The following LRRFIP2 variants were observed in gnomAD, a reference collection of about 807,000 sequenced individuals.
The protein encoded by LRRFIP2 is LRR binding FLII interacting protein 2.
A neutral mutation model predicts 125.9 loss-of-function variants in LRRFIP2; 109 were observed. The ratio of observed to expected loss-of-function variants is 0.87; its 90% confidence interval spans 0.74 to 1.01. The LOEUF is 1.01. Among genes scored for constraint, LRRFIP2 ranks in the 50% least tolerant of loss-of-function variants. The probability of loss-of-function intolerance (pLI) is 0.00; values close to 1 mark genes in which losing one functional copy is unlikely to be tolerated. For missense variants in LRRFIP2, 850 were observed against 862.3 expected, an observed-to-expected ratio of 0.99 and a Z score of 0.18; for synonymous variants, 291 against 293.1, an observed-to-expected ratio of 0.99 and a Z score of 0.07.
chr3:37,127,338 G>A (rs1464473802), intron 4 of LRRFIP2, among the ~76,000 whole-genome samples: 1 of 152,002 alleles, frequency 6.6e-6, no homozygotes, highest in Non-Finnish European at 1.5e-5. Context: ...AAAGGGGAGA[G>A]AGAAGGGGGG....
chr3:37,119,572 T>C (rs1046702500), intron 6 of LRRFIP2, among the ~76,000 whole-genome samples: 1 of 152,180 alleles, frequency 6.6e-6, no homozygotes, highest in African/African-American at 2.4e-5. Context: ...AAGCCATAAA[T>C]ACAAGAAGAG....
intron 19 of LRRFIP2, among the ~76,000 whole-genome samples, chr3:37,081,332 T>A (rs2092622209): frequency 6.6e-6 from 1 of 152,232 alleles, no homozygotes; most frequent in African/African-American, 2.4e-5. Flanking sequence ...TTGAAAATTT[T>A]TATTAATACT....
At chr3:37,167,474 C>G (rs1030088568) in intron 1 of LRRFIP2, among the ~76,000 whole-genome samples, 4 of 149,802 alleles carry the variant, frequency 2.7e-5, no homozygotes, top group South Asian at 2.1e-4. Context: ...GCCAATAGGG[C>G]GAAACCCCGT....
chr3:37,108,782 G>T, intron 11 of LRRFIP2, 98 bp from the exon 12 acceptor site: 1 of 972,638 alleles, frequency 1.0e-6, no homozygotes, highest in Non-Finnish European at 1.6e-6. Flanking sequence ...AAAAGTTTTG[G>T]AGAATGATAT....
chr3:37,172,354 A>T (rs187958453), intron 1 of LRRFIP2, among the ~76,000 whole-genome samples: 28 of 152,326 alleles, frequency 1.8e-4, no homozygotes, highest in East Asian at 3.9e-4. Flanking sequence ...GGTCTTTTTT[A>T]AAAAAGTAAG....
chr3:37,055,358 A>T (rs577848215), intron 25 of LRRFIP2, among the ~76,000 whole-genome samples, 193 bp from the exon 26 acceptor site: 5 of 152,182 alleles, frequency 3.3e-5, no homozygotes, highest in Non-Finnish European at 7.4e-5. Flanking sequence ...AGGTCAAGAG[A>T]TAGAGGCGAC....
chr3:37,174,912 C>T (rs2096636385), upstream of LRRFIP2: 1 of 152,174 alleles, frequency 6.6e-6, no homozygotes, highest in Non-Finnish European at 1.5e-5. Flanking sequence ...TTCTGAAATT[C>T]TTATTCTACA....
intron 2 of LRRFIP2, among the ~76,000 whole-genome samples, chr3:37,142,297 C>T (rs773383855): frequency 6.6e-6 from 1 of 151,930 alleles, no homozygotes; most frequent in Non-Finnish European, 1.5e-5. Flanking sequence ...TGTCACCATG[C>T]CTGGCTAATT....
intron 6 of LRRFIP2, among the ~76,000 whole-genome samples, chr3:37,120,374 G>A (rs9878185): frequency 0.033 from 4,976 of 151,970 alleles, 228 homozygotes; most frequent in African/African-American, 0.1. Flanking sequence ...CAACGTGCTG[G>A]GATTACAGGT....
At chr3:37,126,132 G>A (rs753093774) in intron 4 of LRRFIP2, among the ~76,000 whole-genome samples, 20 of 152,070 alleles carry the variant, frequency 1.3e-4, no homozygotes, top group Non-Finnish European at 2.4e-4. Context: ...AGGTTCAAGC[G>A]ATTCTCCTGC....
intron 2 of LRRFIP2, among the ~76,000 whole-genome samples, chr3:37,147,396 T>A (rs1301078479): frequency 4.6e-5 from 7 of 152,208 alleles, no homozygotes; most frequent in African/African-American, 1.7e-4. Context: ...TACCTGCACA[T>A]GTACGTTCAC....
chr3:37,109,356 T>G (rs2094465523), intron 11 of LRRFIP2, among the ~76,000 whole-genome samples, 171 bp downstream of exon 11: 1 of 152,222 alleles, frequency 6.6e-6, no homozygotes, highest in Non-Finnish European at 1.5e-5. Context: ...ATGTTCATTT[T>G]TAATACCCTA....
chr3:37,065,638 A>T (rs1283792212), intron 23 of LRRFIP2, 172 bp downstream of exon 23: 1 of 805,254 alleles, frequency 1.2e-6, no homozygotes, highest in Admixed American at 2.0e-5. Context: ...CTGATTTCCC[A>T]AGGTCAAGGA....
chr3:37,175,195 ATCC>A (rs1243182599), upstream of LRRFIP2: 51 of 152,336 alleles, frequency 3.3e-4, no homozygotes, highest in African/African-American at 1.2e-3. Flanking sequence ...TCATTACTAC[ATCC>A]ACATTCTCTT....
At position 37,059,027 on chromosome 3, in the gene LRRFIP2, C is replaced by T; in HGVS notation, c.1750-117G>A. The T allele has an allele frequency of 2.3e-6, 3 of 1,320,266 alleles. No individual in the cohort carries two copies. The South Asian group carries it at 4.0e-5, about 18-fold the overall frequency. The allele number at this position is 1,320,266 out of a possible 1,614,324, so 81.8% of individuals were successfully genotyped here. ...CCTTATCGTATCAGCCACATTCATT[C>T]AAAACCTATTTTCTTGAGTGCCTAA... is the stretch of plus-strand genomic sequence containing the variant. On this transcript the variant is annotated intron_variant, in intron 24 of 27. Coordinates refer to ENST00000336686, the MANE Select transcript of LRRFIP2 (RefSeq NM_006309.4).
chr3:37,063,462 T>C (rs1457691695), intron 24 of LRRFIP2, among the ~76,000 whole-genome samples: 1 of 152,112 alleles, frequency 6.6e-6, no homozygotes, highest in Non-Finnish European at 1.5e-5. Flanking sequence ...TTAACAGAAA[T>C]GGTCAGGGGC....
intron 18 of LRRFIP2, among the ~76,000 whole-genome samples, chr3:37,089,914 G>A (rs1000262667): frequency 3.9e-5 from 6 of 152,192 alleles, no homozygotes; most frequent in Non-Finnish European, 8.8e-5. Context: ...AACTATTTCC[G>A]TAATTCTTCT....
chr3:37,072,916 G>A (rs1645832789), intron 20 of LRRFIP2, 34 bp from the exon 21 acceptor site: 1 of 1,410,398 alleles, frequency 7.1e-7, no homozygotes. Flanking sequence ...AGTAATAAAA[G>A]AGCAGAAAGA....
chr3:37,080,143 T>C (rs2092500883), intron 19 of LRRFIP2, among the ~76,000 whole-genome samples: 2 of 152,160 alleles, frequency 1.3e-5, no homozygotes, highest in Admixed American at 1.3e-4. Flanking sequence ...CTCACACCTG[T>C]AATCCCAGCA....
Sources: allele counts gnomAD v4.1 joint callset (sites outside exome capture counted in the v4.1 genomes callset), GRCh38; gene constraint gnomAD v4.1.1; transcripts MANE v1.5; gene names NCBI Gene and HGNC (gene_info 2026-07-23, HGNC 2026-07-21).